GASK1B: variants seen among roughly 807,000 people sequenced by gnomAD.
GASK1B encodes Golgi-associated kinase 1B.
Under a neutral mutation model 42.8 loss-of-function variants are expected in GASK1B, and 34 were observed. That is an observed-to-expected ratio of 0.79 (90% CI 0.60 to 1.06). GASK1B has a LOEUF of 1.06. Among genes scored for constraint, GASK1B ranks in the 50% least tolerant of loss-of-function variants. The pLI is 0.00. For missense variants in GASK1B, 686 were observed against 661.0 expected, an observed-to-expected ratio of 1.04 and a Z score of -0.42; for synonymous variants, 262 against 259.1, an observed-to-expected ratio of 1.01 and a Z score of -0.11.
At chr4:158,141,707 C>T (rs1293083025) in intron 3 of GASK1B, among the ~76,000 whole-genome samples, 3 of 147,150 alleles carry the variant, frequency 2.0e-5, no homozygotes, top group Admixed American at 6.8e-5. Context: ...CCCGGGTTCA[C>T]GCCATTCTCC....
chr4:158,170,111 T>C, intron 2 of GASK1B: 2 of 895,234 alleles, frequency 2.2e-6, no homozygotes, highest in South Asian at 1.8e-5. Context: ...TGCCTGACTG[T>C]CAGCAAGTTC....
chr4:158,170,299 G>A, intron 2 of GASK1B, 167 bp downstream of exon 2: 5 of 1,614,250 alleles, frequency 3.1e-6, no homozygotes, highest in Non-Finnish European at 3.4e-6. Context: ...CTCCCAGGCT[G>A]GGAAAATAAA....
chr4:158,142,166 G>A (rs1025093968), intron 3 of GASK1B, among the ~76,000 whole-genome samples: 5 of 148,176 alleles, frequency 3.4e-5, no homozygotes, highest in Non-Finnish European at 5.9e-5. Flanking sequence ...GGATGGTCTC[G>A]ATCTCCTGAC....
intron 2 of GASK1B, among the ~76,000 whole-genome samples, chr4:158,157,558 A>G (rs1020483042): frequency 6.6e-6 from 1 of 152,160 alleles, no homozygotes; most frequent in African/African-American, 2.4e-5. Context: ...AAACGTGTGT[A>G]CTTCAGGCGT....
chr4:158,165,418 A>C (rs970336487), intron 2 of GASK1B, among the ~76,000 whole-genome samples: 1 of 152,196 alleles, frequency 6.6e-6, no homozygotes, highest in African/African-American at 2.4e-5. Context: ...TGCAAGGACA[A>C]TTTGGCAGAA....
At chr4:158,165,916 A>C (rs2111017713) in intron 2 of GASK1B, among the ~76,000 whole-genome samples, 1 of 152,306 alleles carries the variant, frequency 6.6e-6, no homozygotes, top group South Asian at 2.1e-4. Flanking sequence ...CACACATCAA[A>C]TACAGTGTGT....
chr4:158,164,085 C>G (rs543823186), intron 2 of GASK1B, among the ~76,000 whole-genome samples: 3 of 152,132 alleles, frequency 2.0e-5, no homozygotes, highest in Admixed American at 2.0e-4. Context: ...ATCCTCACAT[C>G]GGTGACTGGA....
Position 158,171,522 on chromosome 4 carries a change from G to T in GASK1B, c.-147C>A. 2 of 765,128 alleles carry T rather than the reference G, an allele frequency of 2.6e-6. No individual in the cohort carries two copies. The highest frequency in any genetic ancestry group is 3.9e-6 in the Non-Finnish European group (2 of 514,124). The allele number at this position is 765,128 out of a possible 1,614,324, so 47.4% of individuals were successfully genotyped here. A position where few individuals can be genotyped will look rare whatever the true frequency, so the allele number is the denominator to read the frequency against. On this transcript the variant is annotated 5_prime_UTR_variant, in exon 2 of 5. Transcript: ENST00000585682. The stretch of plus-strand genomic sequence containing the variant: ...GGGCAGAGGTGGAAGGAAAGGGTTG[G>T]TGATGAAGCTGGGAATGTTTCTGAC...
intron 3 of GASK1B, among the ~76,000 whole-genome samples, chr4:158,133,916 T>TGTGTGCGC (rs1435604508): frequency 9.1e-4 from 137 of 149,768 alleles, no homozygotes; most frequent in African/African-American, 3.2e-3. Flanking sequence ...TGTGTGTGTG[T>TGTGTGCGC]GCGCGTGCAC....
At chr4:158,166,775 C>T (rs1435044827) in intron 2 of GASK1B, among the ~76,000 whole-genome samples, 1 of 152,040 alleles carries the variant, frequency 6.6e-6, no homozygotes, top group Non-Finnish European at 1.5e-5. Flanking sequence ...TATAAGTCAT[C>T]TGTTTCATTA....
chr4:158,172,840 A>G (rs1579060892), intron 1 of GASK1B, 28 bp downstream of exon 1: 1 of 152,170 alleles, frequency 6.6e-6, no homozygotes, highest in Non-Finnish European at 1.5e-5. Context: ...TTGGGGTTAG[A>G]GCACAAGCGT....
intron 3 of GASK1B, among the ~76,000 whole-genome samples, chr4:158,133,330 A>G (rs1248337797): frequency 6.6e-6 from 1 of 152,194 alleles, no homozygotes; most frequent in Non-Finnish European, 1.5e-5. Context: ...TTTTGACTAA[A>G]TATCAAAGTC....
At chr4:158,127,655 G>T (rs938768428) in intron 4 of GASK1B, 41 bp from the exon 5 acceptor site, 8 of 1,551,024 alleles carry the variant, frequency 5.2e-6, no homozygotes, top group Non-Finnish European at 7.0e-6. Flanking sequence ...GTAATTGCTT[G>T]GGAATAGTAC....
At chr4:158,142,851 T>C (rs1385652442) in intron 3 of GASK1B, among the ~76,000 whole-genome samples, 1 of 151,798 alleles carries the variant, frequency 6.6e-6, no homozygotes, top group Non-Finnish European at 1.5e-5. Context: ...AAATTGAGAG[T>C]GTGAACTCTA....
chr4:158,162,066 T>C (rs1732039190), intron 2 of GASK1B, among the ~76,000 whole-genome samples: 2 of 152,162 alleles, frequency 1.3e-5, no homozygotes, highest in South Asian at 4.1e-4. Flanking sequence ...ACGTTTTTCA[T>C]AGTCTATTCT....
chr4:158,149,761 T>C (rs1731475615), intron 3 of GASK1B, among the ~76,000 whole-genome samples: 1 of 152,120 alleles, frequency 6.6e-6, no homozygotes, highest in African/African-American at 2.4e-5. Flanking sequence ...GATAACTTGG[T>C]AGTAGTTATA....
intron 4 of GASK1B, among the ~76,000 whole-genome samples, chr4:158,129,358 T>C (rs1254885896): frequency 6.6e-6 from 1 of 152,188 alleles, no homozygotes; most frequent in East Asian, 1.9e-4. Flanking sequence ...AATTTTCCGA[T>C]ACATAAAATT....
intron 2 of GASK1B, among the ~76,000 whole-genome samples, chr4:158,158,240 T>C (rs1456621119): frequency 6.6e-6 from 1 of 152,146 alleles, no homozygotes; most frequent in African/African-American, 2.4e-5. Context: ...ATTCACAGCA[T>C]GGTGCCTAAC....
chr4:158,169,888 G>A, intron 2 of GASK1B: 1 of 260,722 alleles, frequency 3.8e-6, no homozygotes, highest in Non-Finnish European at 7.3e-6. Context: ...CAGCTAGTTA[G>A]TATACATACT....
Sources: allele counts gnomAD v4.1 joint callset (sites outside exome capture counted in the v4.1 genomes callset), GRCh38; gene constraint gnomAD v4.1.1; transcripts MANE v1.5; gene names NCBI Gene and HGNC (gene_info 2026-07-23, HGNC 2026-07-21).